GTF2I: variants seen among roughly 807,000 people sequenced by gnomAD.
GTF2I encodes the protein general transcription factor II-I.
A neutral mutation model predicts 67.6 loss-of-function variants in GTF2I; 12 were observed. The ratio of observed to expected loss-of-function variants is 0.18; its 90% CI spans 0.11 to 0.29. GTF2I has a LOEUF of 0.29. GTF2I is among the 10% of genes least tolerant of loss of function. GTF2I has a pLI of 1.00. For missense variants in GTF2I, 271 were observed against 580.1 expected (o/e 0.47, Z 5.47); for synonymous variants, 149 against 197.0 (o/e 0.76, Z 2.04).
At chr7:74,678,103 G>A (rs1049242762) in intron 1 of GTF2I, among the ~76,000 whole-genome samples, 5 of 152,000 alleles carry the variant, frequency 3.3e-5, no homozygotes, top group Non-Finnish European at 5.9e-5. Flanking sequence ...CACCCAGGCT[G>A]GAGTGCAGTG....
intron 1 of GTF2I, among the ~76,000 whole-genome samples, chr7:74,658,309 C>G (rs1804113394): frequency 6.7e-6 from 1 of 149,474 alleles, no homozygotes; most frequent in Admixed American, 6.6e-5. Context: ...CGAAACGAGG[C>G]GATGGGGGTG....
At chr7:74,698,057 G>A (rs587641078) in intron 3 of GTF2I, among the ~76,000 whole-genome samples, 10 of 152,276 alleles carry the variant, frequency 6.6e-5, no homozygotes, top group East Asian at 5.8e-4. Context: ...CCGGGCTCAC[G>A]CCATTCTCTT....
At chr7:74,677,129 G>A (rs1290895393) in intron 1 of GTF2I, among the ~76,000 whole-genome samples, 4 of 151,950 alleles carry the variant, frequency 2.6e-5, no homozygotes, top group African/African-American at 7.3e-5. Flanking sequence ...AGATTTAGGC[G>A]GCCTAAAAGA....
intron 6 of GTF2I, among the ~76,000 whole-genome samples, chr7:74,701,413 T>A (rs1584192832): frequency 3.3e-5 from 5 of 152,174 alleles, no homozygotes; most frequent in Non-Finnish European, 7.3e-5. Flanking sequence ...AAAAGATTAA[T>A]TTTTTAGCAG....
intron 8 of GTF2I, among the ~76,000 whole-genome samples, chr7:74,708,918 C>T (rs782024419): frequency 1.8e-4 from 27 of 152,208 alleles, no homozygotes; most frequent in Non-Finnish European, 8.8e-5. Context: ...CATTTTTACT[C>T]TCTCCTCAAA....
intron 3 of GTF2I, among the ~76,000 whole-genome samples, chr7:74,694,813 G>T (rs1431516884): frequency 1.3e-5 from 2 of 152,156 alleles, no homozygotes; most frequent in African/African-American, 4.8e-5. Flanking sequence ...TGGCTTCAAA[G>T]CTTCAAAGGA....
intron 1 of GTF2I, among the ~76,000 whole-genome samples, chr7:74,684,076 A>G (rs1787486656): frequency 6.6e-6 from 1 of 152,136 alleles, no homozygotes; most frequent in Non-Finnish European, 1.5e-5. Context: ...TCAACCAGGA[A>G]AAGACTCCAT....
intron 1 of GTF2I, among the ~76,000 whole-genome samples, chr7:74,680,099 A>AAAAAAAAT: frequency 1.1e-5 from 1 of 95,000 alleles, no homozygotes; most frequent in Non-Finnish European, 2.1e-5. Context: ...AAAAAAAAAA[A>AAAAAAAAT]ATATATATAT....
At chr7:74,698,347 C>T (rs1453189080) in intron 3 of GTF2I, among the ~76,000 whole-genome samples, 2 of 151,374 alleles carry the variant, frequency 1.3e-5, no homozygotes, top group African/African-American at 4.9e-5. Context: ...GCCTCAGCCT[C>T]CCAAAGTGCT....
At chr7:74,658,756 C>T (rs1364075292) in intron 1 of GTF2I, among the ~76,000 whole-genome samples, 1 of 151,602 alleles carries the variant, frequency 6.6e-6, no homozygotes, top group African/African-American at 2.4e-5. Context: ...CCCCGCGGGG[C>T]CTGTTCTTTG....
In GTF2I at chr7:74,675,557, T is replaced by TG. The variant is rs1306094934; in HGVS notation, c.-5-13559dup. Among the ~76,000 whole-genome samples, 264 of 151,746 alleles carry TG rather than the reference T, an allele frequency of 1.7e-3. 1 individual carries two copies. Among genetic ancestry groups the TG allele is most frequent in the African/African-American group, 4.9e-3 (203 of 41,392 alleles). Reference sequence around the variant, plus strand: ...TATTTCTTTGAGAGGCTGTTTTTTTTGGGGGGGGCAGAAGGTCAGTTCATA... The same window carrying TG: ...TATTTCTTTGAGAGGCTGTTTTTTTTGGGGGGGGGCAGAAGGTCAGTTCATA... On this transcript the variant is annotated intron_variant, in intron 1 of 34. Transcript: ENST00000573035.
intron 3 of GTF2I, among the ~76,000 whole-genome samples, chr7:74,696,725 C>A (rs782364238): frequency 2.0e-5 from 3 of 151,984 alleles, no homozygotes; most frequent in African/African-American, 7.2e-5. Context: ...AAACTCCTGA[C>A]CTCAGGCGAT....
At chr7:74,660,839 C>G (rs1554386236) in intron 1 of GTF2I, among the ~76,000 whole-genome samples, 3 of 151,952 alleles carry the variant, frequency 2.0e-5, no homozygotes, top group Admixed American at 6.6e-5. Context: ...GTGTTGAGCT[C>G]GTAGGGGCAG....
At chr7:74,660,217 T>G (rs1374202709) in intron 1 of GTF2I, among the ~76,000 whole-genome samples, 44 of 151,920 alleles carry the variant, frequency 2.9e-4, no homozygotes, top group African/African-American at 8.9e-4. Context: ...TTGAGAGGGT[T>G]TCGTTCTATC....
intron 1 of GTF2I, among the ~76,000 whole-genome samples, chr7:74,680,099 A>AAAAAAAAAAAAAAAATATATATAT: frequency 2.1e-5 from 2 of 95,002 alleles, no homozygotes; most frequent in African/African-American, 8.0e-5. Context: ...AAAAAAAAAA[A>AAAAAAAAAAAAAAAATATATATAT]ATATATATAT....
rs781953585 is a variant in GTF2I, at chr7:74,711,157, A to G, written c.763+48A>G. On this transcript the variant is annotated intron_variant, in intron 9 of 34. Coordinates refer to ENST00000573035, the MANE Select transcript of GTF2I (RefSeq NM_032999.4). Reference sequence around the variant, plus strand: ...TTCTTTCTAAAAATTATTCGTGGTTAAAATTAAAATTTGCTCATCAATTGC... The same window carrying G: ...TTCTTTCTAAAAATTATTCGTGGTTGAAATTAAAATTTGCTCATCAATTGC... 3.2e-5 allele frequency: 26 copies of G among 819,542 alleles called. No individual in the cohort carries two copies. In the African/African-American group the frequency reaches 4.1e-4, roughly 13 times the overall value. The allele number at this position is 819,542 out of a possible 1,614,324, so 50.8% of individuals were successfully genotyped here. A position where few individuals can be genotyped will look rare whatever the true frequency, so the allele number is the denominator to read the frequency against.
chr7:74,750,278 A>C (rs1795726910), intron 26 of GTF2I, among the ~76,000 whole-genome samples: 2 of 103,580 alleles, frequency 1.9e-5, no homozygotes, highest in African/African-American at 5.3e-5. Flanking sequence ...CTTAAAATAC[A>C]AAAAAAAAAA....
chr7:74,704,292 A>ATTTATTTTTTTT (rs1412934217), intron 6 of GTF2I, among the ~76,000 whole-genome samples: 125 of 149,350 alleles, frequency 8.4e-4, no homozygotes, highest in Admixed American at 2.3e-3. Flanking sequence ...TTATTTATTT[A>ATTTATTTTTTTT]TTTTTTTATT....
chr7:74,659,188 G>C (rs112217519), intron 1 of GTF2I, among the ~76,000 whole-genome samples: 1 of 152,010 alleles, frequency 6.6e-6, no homozygotes. Context: ...CCCCCATAGT[G>C]CTGGGATTAC....
Sources: gnomAD v4.1 joint callset for allele counts (sites outside exome capture counted in the v4.1 genomes callset) on GRCh38, gnomAD v4.1.1 for gene constraint, MANE v1.5 for transcripts, NCBI Gene and HGNC (gene_info 2026-07-23, HGNC 2026-07-21) for gene names.